SHTN1: variants seen among roughly 807,000 people sequenced by gnomAD.
The protein encoded by SHTN1 is shootin-1.
SHTN1 carries 42 observed loss-of-function variants against 83.1 expected under a neutral mutation model. The observed-to-expected ratio is 0.51, with a 90% CI of 0.39 to 0.65. The LOEUF is 0.65. Ranked by LOEUF, SHTN1 falls within the 30% of genes least tolerant of loss-of-function variation. SHTN1 has a pLI of 0.00. For missense variants in SHTN1, 622 were observed against 737.8 expected, an observed-to-expected ratio of 0.84 and a Z score of 1.82; for synonymous variants, 224 against 247.7, an observed-to-expected ratio of 0.90 and a Z score of 0.90.
chr10:117,088,180 G>A (rs11197894), intron 1 of SHTN1, among the ~76,000 whole-genome samples: 27 of 152,182 alleles, frequency 1.8e-4, no homozygotes, highest in East Asian at 1.5e-3. Flanking sequence ...TTTACCCCAC[G>A]GAATGTACTA....
chr10:117,044,903 C>A (rs148744595), intron 2 of SHTN1, among the ~76,000 whole-genome samples: 51 of 152,228 alleles, frequency 3.4e-4, no homozygotes, highest in African/African-American at 1.2e-3. Context: ...CAATTTGTGT[C>A]ATTTTAAAGC....
At chr10:117,072,727 T>C (rs755543199) in intron 1 of SHTN1, among the ~76,000 whole-genome samples, 6 of 152,152 alleles carry the variant, frequency 3.9e-5, no homozygotes, top group Non-Finnish European at 7.3e-5. Flanking sequence ...CCTTCAACCC[T>C]AGACCTTCCC....
At chr10:116,959,650 A>G (rs1192213776) in intron 4 of SHTN1, among the ~76,000 whole-genome samples, 1 of 152,216 alleles carries the variant, frequency 6.6e-6, no homozygotes, top group Non-Finnish European at 1.5e-5. Context: ...GCAAGAGGCA[A>G]TCAGTGGAAC....
chr10:117,090,617 A>G (rs1329312113), intron 1 of SHTN1, among the ~76,000 whole-genome samples: 1 of 152,166 alleles, frequency 6.6e-6, no homozygotes, highest in Non-Finnish European at 1.5e-5. Context: ...GCTCAAATAA[A>G]AGTTAAGAAT....
intron 1 of SHTN1, among the ~76,000 whole-genome samples, chr10:117,072,421 G>T (rs780332214): frequency 6.6e-6 from 1 of 152,096 alleles, no homozygotes; most frequent in South Asian, 2.1e-4. Context: ...CAAGAAACCC[G>T]AGAGGACCCA....
chr10:117,009,407 G>A (rs1224425533), upstream of SHTN1, among the ~76,000 whole-genome samples: 1 of 151,994 alleles, frequency 6.6e-6, no homozygotes, highest in Non-Finnish European at 1.5e-5. Flanking sequence ...ACTATATGAT[G>A]TCTACAAAAT....
Position 116,901,865 on chromosome 10 carries a change from T to C in SHTN1, c.1573A>G (p.Thr525Ala). The C allele has an allele frequency of 6.2e-7, 1 of 1,607,038 alleles. No homozygotes were observed. Among genetic ancestry groups the C allele is most frequent in the Non-Finnish European group, 8.5e-7 (1 of 1,178,154 alleles). Reference protein sequence around the residue: ...SVTKTALNKKTLEAEFNSPSP... With the variant: ...SVTKTALNKKALEAEFNSPSP... ...GGGCTGTTGAATTCTGCCTCCAGAG[T>C]TTTCTTGTTCAAGGCTGTTTTTGTT... is the stretch of plus-strand genomic sequence containing the variant. Residue 525 changes from threonine (T) to alanine (A), a missense_variant, in exon 16 of 17, where the codon ACT becomes GCT. By Grantham distance (58) the Thr-to-Ala change is moderately conservative. Coordinates refer to ENST00000355371, the MANE Select transcript of SHTN1 (RefSeq NM_001127211.3).
chr10:116,941,478 C>T (rs1849372260), intron 8 of SHTN1, among the ~76,000 whole-genome samples: 2 of 152,140 alleles, frequency 1.3e-5, no homozygotes, highest in African/African-American at 4.8e-5. Context: ...CCCAATTTGG[C>T]CAGTGAGTGA....
At chr10:116,939,355 A>G (rs1162076094) in intron 9 of SHTN1, among the ~76,000 whole-genome samples, 1 of 152,200 alleles carries the variant, frequency 6.6e-6, no homozygotes, top group Non-Finnish European at 1.5e-5. Context: ...AAAGCGTAGT[A>G]TCTGGGCTGG....
rs59858230 is a variant in SHTN1, at chr10:117,121,962, G to A, written c.-189+4345C>T. Among the ~76,000 whole-genome samples the A allele has an allele frequency of 0.01, 1,565 of 151,974 alleles. 43 individuals are homozygous for A. In the East Asian group the frequency reaches 0.12, roughly 11 times the overall value. Reference sequence around the variant, plus strand: ...CAGGAGAATGGCGTGAACCCAGGGGGAGAAGCTTGCAATGAGCTGAGATCG... The same window carrying A: ...CAGGAGAATGGCGTGAACCCAGGGGAAGAAGCTTGCAATGAGCTGAGATCG... On this transcript the variant is annotated intron_variant, in intron 1 of 17. Coordinates refer to the SHTN1 transcript ENST00000392901.
chr10:116,914,626 TGGAGGAAGAGGAAGA>T (rs943817458), intron 13 of SHTN1, among the ~76,000 whole-genome samples: 2 of 151,294 alleles, frequency 1.3e-5, no homozygotes, highest in Non-Finnish European at 2.9e-5. Flanking sequence ...GAAGAGGAAG[TGGAGGAAGAGGAAGA>T]ACCGGTCAGT....
chr10:117,021,260 CTCCCTTCCTCCT>C (rs1001893855), intron 2 of SHTN1, among the ~76,000 whole-genome samples: 3 of 151,770 alleles, frequency 2.0e-5, no homozygotes, highest in African/African-American at 7.2e-5. Context: ...CCCTTCCTCC[CTCCCTTCCTCCT>C]TTCCTCCCTC....
At chr10:117,019,425 C>T (rs905262699) in intron 2 of SHTN1, among the ~76,000 whole-genome samples, 1 of 152,050 alleles carries the variant, frequency 6.6e-6, no homozygotes, top group East Asian at 1.9e-4. Flanking sequence ...CTCAGGCAAT[C>T]CTCCTACTTT....
Position 117,113,659 on chromosome 10 carries a change from C to T in SHTN1, c.-189+12648G>A, listed in dbSNP as rs559427007. Among the ~76,000 whole-genome samples the T allele has an allele frequency of 1.3e-4, 20 of 152,306 alleles. 1 individual carries two copies. The South Asian group carries it at 3.9e-3, about 30-fold the overall frequency. ...CAGGAACAGTGGCTGAATCCCAGAA[C>T]TTTGGGAAGCGGAAGCCAGAAGACT... On this transcript the variant is annotated intron_variant, in intron 1 of 17. Transcript: ENST00000392901.
chr10:116,936,180 C>T (rs1331560539), intron 9 of SHTN1, among the ~76,000 whole-genome samples: 1 of 152,068 alleles, frequency 6.6e-6, no homozygotes, highest in Non-Finnish European at 1.5e-5. Flanking sequence ...CAGTTCTGCT[C>T]TGATCTTAGT....
intron 1 of SHTN1, among the ~76,000 whole-genome samples, chr10:117,122,293 A>G (rs1853941337): frequency 6.6e-6 from 1 of 151,848 alleles, no homozygotes; most frequent in Non-Finnish European, 1.5e-5. Context: ...GATCCTCCCA[A>G]CTCAACCTCC....
At chr10:117,058,303 T>C (rs1293496001) in intron 1 of SHTN1, among the ~76,000 whole-genome samples, 3 of 152,180 alleles carry the variant, frequency 2.0e-5, no homozygotes, top group African/African-American at 7.2e-5. Flanking sequence ...AGCCAGACTA[T>C]ATAGAGATCT....
chr10:117,074,752 G>A (rs936400503), intron 1 of SHTN1, among the ~76,000 whole-genome samples: 1 of 152,188 alleles, frequency 6.6e-6, no homozygotes, highest in African/African-American at 2.4e-5. Context: ...CAGGGCAGGA[G>A]TAGAAATTTT....
rs1564911424 is a variant in SHTN1, at chr10:116,980,069, AG to A, written c.59-762del. On this transcript the variant is annotated intron_variant, in intron 1 of 16. Coordinates refer to ENST00000355371, the MANE Select transcript of SHTN1 (RefSeq NM_001127211.3). ...TTAAAATCGTTTATTGCCCCTGCCC[AG>A]AAAAAAAAAACGAAACCTAAATCCC... Among the ~76,000 whole-genome samples the A allele has an allele frequency of 7.4e-4, 109 of 147,228 alleles. 2 individuals are homozygous for A. The South Asian group carries it at 0.023, about 31-fold the overall frequency.
Sources: allele counts gnomAD v4.1 joint callset (sites outside exome capture counted in the v4.1 genomes callset), GRCh38; gene constraint gnomAD v4.1.1; transcripts MANE v1.5; gene names NCBI Gene and HGNC (gene_info 2026-07-23, HGNC 2026-07-21).